ZNF518A: variants seen among roughly 807,000 people sequenced by gnomAD.
ZNF518A encodes the protein zinc finger protein 518A.
In ZNF518A, 47 loss-of-function variants were observed where a neutral mutation model predicts 102.7. That is an observed-to-expected ratio of 0.46 (90% CI 0.36 to 0.58). The LOEUF is 0.58. Among genes scored for constraint, ZNF518A ranks in the 20% least tolerant of loss-of-function variants. The pLI is 0.00. For synonymous variants in ZNF518A, 652 were observed against 594.6 expected (o/e 1.10, Z -1.40); for missense variants, 1,793 against 1,699.8 (o/e 1.05, Z -0.96).
chr10:96,132,062 CCTT>C (rs1278225529), intron 1 of ZNF518A, among the ~76,000 whole-genome samples: 1 of 150,568 alleles, frequency 6.6e-6, no homozygotes, highest in Non-Finnish European at 1.5e-5. Flanking sequence ...TGCCCACATT[CCTT>C]CAGGTATGCT....
chr10:96,184,572 G>T (rs1554892351), intron 1 of ZNF518A, among the ~76,000 whole-genome samples: 1 of 152,084 alleles, frequency 6.6e-6, no homozygotes, highest in East Asian at 1.9e-4. Flanking sequence ...GCTTAGTTTG[G>T]CTGGATATGA....
chr10:96,203,448 A>G (rs1298853300), intron 1 of ZNF518A: 3 of 152,218 alleles, frequency 2.0e-5, no homozygotes, highest in African/African-American at 7.2e-5. Context: ...TTTGGAATAT[A>G]TCCCAAATTA....
downstream of ZNF518A, among the ~76,000 whole-genome samples, chr10:96,163,973 C>T (rs1554889411): frequency 6.6e-6 from 1 of 152,132 alleles, no homozygotes; most frequent in East Asian, 1.9e-4. Context: ...AGTGAAGAGA[C>T]TGTAAATGTA....
chr10:96,130,029 C>G (rs1428257601), upstream of ZNF518A: 2 of 152,760 alleles, frequency 1.3e-5, no homozygotes, highest in African/African-American at 4.8e-5. Context: ...CGTGCGCTCC[C>G]GGTAGCGCTG....
intron 3 of ZNF518A, among the ~76,000 whole-genome samples, chr10:96,142,193 T>C (rs1165574866): frequency 6.6e-6 from 1 of 150,628 alleles, no homozygotes; most frequent in Admixed American, 6.6e-5. Flanking sequence ...TTTGAAAACT[T>C]AAAACAGCTG....
rs2082961298 is a variant in ZNF518A at position 96,160,642 on chromosome 10, C to T, written c.4320C>T (p.Thr1440=). The change falls in exon 6 of 6, where the codon ACC becomes ACT. Residue 1440 remains threonine (T), a synonymous_variant. Coordinates refer to ENST00000316045, the MANE Select transcript of ZNF518A (RefSeq NM_001330736.2). ...SKNNYQIVKT[T]SENILKAKFN... is the part of the protein sequence containing the mutation. ...ACAATTACCAGATTGTGAAGACTAC[C>T]TCTGAAAATATTTTGAAGGCTAAAT... 5 of 1,613,134 alleles carry T rather than the reference C, an allele frequency of 3.1e-6. No homozygotes were observed. The highest frequency in any genetic ancestry group is 4.2e-6 in the Non-Finnish European group (5 of 1,179,498).
chr10:96,130,989 C>G (rs1203181719), intron 1 of ZNF518A, among the ~76,000 whole-genome samples: 1 of 152,172 alleles, frequency 6.6e-6, no homozygotes, highest in Non-Finnish European at 1.5e-5. Flanking sequence ...CTTTAAAGTT[C>G]AGAATACAAC....
chr10:96,132,422 CAT>C (rs1406374064), intron 1 of ZNF518A, among the ~76,000 whole-genome samples, 162 bp from the exon 2 acceptor site: 2 of 149,554 alleles, frequency 1.3e-5, no homozygotes, highest in Non-Finnish European at 3.0e-5. Flanking sequence ...AAATTTGTGA[CAT>C]GTTATCACTG....
chr10:96,129,967 C>T (rs1452540662), upstream of ZNF518A: 3 of 152,714 alleles, frequency 2.0e-5, no homozygotes, highest in Non-Finnish European at 4.4e-5. Context: ...ACCCTGCCGG[C>T]CTCCGTTCTC....
chr10:96,172,186 AAAGT>A (rs200025293), intron 1 of ZNF518A, among the ~76,000 whole-genome samples: 10 of 131,350 alleles, frequency 7.6e-5, no homozygotes, highest in African/African-American at 1.5e-4. Context: ...ACATTACATG[AAAGT>A]AAGTAAGTAT....
At chr10:96,172,143 G>A (rs34844027) in intron 1 of ZNF518A, among the ~76,000 whole-genome samples, 19,168 of 151,996 alleles carry the variant, frequency 0.13, 1,268 homozygotes, top group Middle Eastern at 0.17. Context: ...AAATGATGTC[G>A]AGAATAATTT....
chr10:96,187,351 G>C (rs1400444883), intron 1 of ZNF518A, among the ~76,000 whole-genome samples: 1 of 152,188 alleles, frequency 6.6e-6, no homozygotes, highest in African/African-American at 2.4e-5. Flanking sequence ...TAGAAATAGA[G>C]GCTGAGTTAT....
At chr10:96,145,152 C>T (rs2082114253) in intron 3 of ZNF518A, among the ~76,000 whole-genome samples, 1 of 152,060 alleles carries the variant, frequency 6.6e-6, no homozygotes, top group Non-Finnish European at 1.5e-5. Flanking sequence ...TTACTGCAAC[C>T]TCCACCTCCT....
rs1462793434 is a variant in ZNF518A, at chr10:96,130,315, TC to T, written c.-889del. Among the ~76,000 whole-genome samples the T allele has an allele frequency of 3.3e-5, 5 of 152,240 alleles. No individual in the cohort carries two copies. The highest frequency in any genetic ancestry group is 1.2e-4 in the African/African-American group (5 of 41,474). On this transcript the variant is annotated 5_prime_UTR_variant, in exon 1 of 6. Transcript: ENST00000316045. ...TCCGCTTAACTTGCCGCAAAGTTTT[TC>T]TGGAGAAGTCGGGGTTTTTTTGCCG...
Position 96,157,969 on chromosome 10 carries a change from T to C in ZNF518A, c.1647T>C (p.Ser549=). The part of the protein sequence containing the change: ...NMLQTMDYEK[S]VSSLSATSEL... ...TTCAAACAATGGATTATGAGAAAAG[T>C]GTATCTTCTTTGTCAGCAACATCAG... The change falls in exon 6 of 6, where the codon AGT becomes AGC. Residue 549 remains serine (S), a synonymous_variant. Coordinates refer to ENST00000316045, the MANE Select transcript of ZNF518A (RefSeq NM_001330736.2). 6.2e-7 allele frequency: 1 copy of C among 1,613,798 alleles called. No individual in the cohort carries two copies. The highest frequency in any genetic ancestry group is 2.2e-5 in the East Asian group (1 of 44,864).
chr10:96,157,497 A>G lies in ZNF518A; in HGVS notation c.1175A>G (p.Lys392Arg). 1 of 1,613,902 alleles carries G rather than the reference A, an allele frequency of 6.2e-7. No individual in the cohort carries two copies. Among genetic ancestry groups the G allele is most frequent in the South Asian group, 1.1e-5 (1 of 91,084 alleles). The stretch of plus-strand genomic sequence containing the variant: ...AAAGCCCCTGAATCAGAGTCAGAGA[A>G]GCCAACTCCTCTGTCCACTGGGCAA... ...NDKAPESESEKPTPLSTGQGN... is the reference protein window; with the variant it reads ...NDKAPESESERPTPLSTGQGN... The change falls in exon 6 of 6, where the codon AAG becomes AGG. Residue 392 changes from lysine to arginine, a missense_variant. Coordinates refer to ENST00000316045, the MANE Select transcript of ZNF518A (RefSeq NM_001330736.2).
intron 1 of ZNF518A, among the ~76,000 whole-genome samples, chr10:96,197,411 C>A (rs1554894964): frequency 6.6e-6 from 1 of 152,132 alleles, no homozygotes; most frequent in Non-Finnish European, 1.5e-5. Flanking sequence ...TTCAAGCGAT[C>A]CTCCCACCTC....
rs1554894825 is a variant in ZNF518A, at chr10:96,196,943, G to C, written n.36-6631G>C. On this transcript the variant is annotated intron_variant and non_coding_transcript_variant, in intron 1 of 2. Transcript: ENST00000442635. ...TTTTTCTTTCTGCCCAAGGCATATT[G>C]TTTTGTTGCTTCAATAAATCGCACA... 6.8e-6 allele frequency: 11 copies of C among 1,613,302 alleles called. No individual in the cohort carries two copies. In the Admixed American group the frequency reaches 1.8e-4, roughly 27 times the overall value.
At chr10:96,140,267 A>G (rs12255700) in intron 3 of ZNF518A, among the ~76,000 whole-genome samples, 9,238 of 152,248 alleles carry the variant, frequency 0.061, 375 homozygotes, top group South Asian at 0.15. Context: ...GTGGAACTGT[A>G]TGAATTTTAG....
Sources: allele counts gnomAD v4.1 joint callset (sites outside exome capture counted in the v4.1 genomes callset), GRCh38; gene constraint gnomAD v4.1.1; transcripts MANE v1.5; gene names NCBI Gene and HGNC (gene_info 2026-07-23, HGNC 2026-07-21).